The following IFT88 variants were observed in gnomAD, a reference collection of about 807,000 sequenced individuals.
The protein encoded by IFT88 is intraflagellar transport protein 88 homolog.
In IFT88, 74 loss-of-function variants were observed where a neutral mutation model predicts 119.5. That is an observed-to-expected ratio of 0.62 (90% CI 0.51 to 0.75). The LOEUF (loss-of-function observed/expected upper bound fraction) is 0.75. IFT88 is among the 30% of genes least tolerant of loss of function. The probability of loss-of-function intolerance (pLI) is 0.00; values close to 1 mark genes in which losing one functional copy is unlikely to be tolerated. For synonymous variants in IFT88, 279 were observed against 316.7 expected, an observed-to-expected ratio of 0.88 and a Z score of 1.26; for missense variants, 961 against 977.7, an observed-to-expected ratio of 0.98 and a Z score of 0.23.
chr13:20,585,841 A>G (rs2039568217), intron 3 of IFT88, among the ~76,000 whole-genome samples: 1 of 152,248 alleles, frequency 6.6e-6, no homozygotes, highest in Admixed American at 6.5e-5. Context: ...TTTACAACCC[A>G]TATTTTAATT....
intron 24 of IFT88, among the ~76,000 whole-genome samples, chr13:20,682,952 A>G (rs2057490505): frequency 6.6e-6 from 1 of 152,204 alleles, no homozygotes; most frequent in South Asian, 2.1e-4. Context: ...TAAATCTATG[A>G]CTATTAAAGG....
At chr13:20,598,547 T>C (rs1034328692) in intron 9 of IFT88, 104 bp from the exon 10 acceptor site, 1 of 588,028 alleles carries the variant, frequency 1.7e-6, no homozygotes, top group Admixed American at 2.6e-5. Context: ...TATCTTGATA[T>C]AAGTAGCTAA....
intron 24 of IFT88, among the ~76,000 whole-genome samples, chr13:20,683,039 G>C (rs2057495844): frequency 6.6e-6 from 1 of 152,116 alleles, no homozygotes; most frequent in African/African-American, 2.4e-5. Context: ...TGAATTAATG[G>C]CTCTAAGATC....
chr13:20,669,866 A>G (rs536267689), intron 23 of IFT88, among the ~76,000 whole-genome samples: 2 of 152,346 alleles, frequency 1.3e-5, no homozygotes, highest in Admixed American at 6.5e-5. Flanking sequence ...TCTTTCATCT[A>G]TGAAGGCAAG....
At chr13:20,686,266 C>T (rs2057906855) in intron 24 of IFT88, among the ~76,000 whole-genome samples, 1 of 152,192 alleles carries the variant, frequency 6.6e-6, no homozygotes, top group Non-Finnish European at 1.5e-5. Context: ...ATGTAGTTTC[C>T]TTTTTACTTT....
Position 20,631,000 on chromosome 13 carries a change from GA to G in IFT88, c.1300-15del. The G allele has an allele frequency of 6.8e-7, 1 of 1,463,640 alleles. No individual in the cohort carries two copies. The highest frequency in any genetic ancestry group is 9.6e-7 in the Non-Finnish European group (1 of 1,043,680). 90.7% of individuals were successfully genotyped at this position (1,463,640 alleles called of 1,614,324 possible). A position where few individuals can be genotyped will look rare whatever the true frequency, so the allele number is the denominator to read the frequency against. Reference sequence around the variant, plus strand: ...CATATTACAGTGGTAGTAACCTTCAGATATTCCATTTCTAGGCTGTAGAGAT... The same window carrying G: ...CATATTACAGTGGTAGTAACCTTCAGTATTCCATTTCTAGGCTGTAGAGAT... On this transcript the variant is annotated splice_polypyrimidine_tract_variant and intron_variant, in intron 15 of 25. Coordinates refer to ENST00000351808, the MANE Select transcript of IFT88 (RefSeq NM_006531.5).
intron 11 of IFT88, among the ~76,000 whole-genome samples, chr13:20,599,967 T>C (rs1484504636): frequency 6.6e-6 from 1 of 152,092 alleles, no homozygotes; most frequent in Non-Finnish European, 1.5e-5. Flanking sequence ...TTCTGAGTCT[T>C]AGAAGAGGGG....
Position 20,659,487 on chromosome 13 carries a change from TA to T in IFT88, c.2068+3069del, listed in dbSNP as rs575875303. On this transcript the variant is annotated intron_variant, in intron 22 of 25. Coordinates refer to ENST00000351808, the MANE Select transcript of IFT88 (RefSeq NM_006531.5). ...CCAGCCTGGGCATCTCTAAATCTCTTAAAAAAAAAAAATTCCTAAGCCAATC... is the reference window on the plus strand; with the variant it reads ...CCAGCCTGGGCATCTCTAAATCTCTTAAAAAAAAAAATTCCTAAGCCAATC... Among the ~76,000 whole-genome samples, 259 of 146,184 alleles carry T rather than the reference TA, an allele frequency of 1.8e-3. 1 individual carries two copies. The East Asian group carries it at 0.021, about 12-fold the overall frequency.
chr13:20,675,717 G>A (rs1460268285), intron 24 of IFT88, among the ~76,000 whole-genome samples: 1 of 152,214 alleles, frequency 6.6e-6, no homozygotes, highest in African/African-American at 2.4e-5. Flanking sequence ...GAATAAATGT[G>A]ATAGTGTTCT....
rs145803581 is a variant in IFT88 at position 20,643,875 on chromosome 13, T to A, written c.1833+270T>A. 7.7e-4 allele frequency among the ~76,000 whole-genome samples: 117 copies of A among 152,250 alleles called. 2 individuals carry two copies. In the South Asian group the frequency reaches 0.021, roughly 27 times the overall value. On this transcript the variant is annotated intron_variant, in intron 19 of 25. Coordinates refer to ENST00000351808, the MANE Select transcript of IFT88 (RefSeq NM_006531.5). ...TTTAAGCAATTCTCTTGCCTCAGCC[T>A]TCCGAGTAGCTGGGATTACAGGCGC...
In IFT88 at chr13:20,605,964, A is replaced by C. The variant is rs1320138457; in HGVS notation, c.1112+859A>C. ...CTCCCAGCACCTCCGTGTGTTCATC[A>C]ACCTGGAAACTCTCTGAACTGTGTC... is the stretch of plus-strand genomic sequence containing the variant. On this transcript the variant is annotated intron_variant, in intron 13 of 25. Coordinates refer to ENST00000351808, the MANE Select transcript of IFT88 (RefSeq NM_006531.5). 2.6e-5 allele frequency among the ~76,000 whole-genome samples: 4 copies of C among 152,238 alleles called. No homozygotes were observed. In the South Asian group the frequency reaches 8.3e-4, roughly 32 times the overall value.
intron 15 of IFT88, among the ~76,000 whole-genome samples, chr13:20,627,857 A>G (rs1449342866): frequency 1.3e-5 from 2 of 151,834 alleles, no homozygotes; most frequent in Admixed American, 6.6e-5. Context: ...AGATCTTACT[A>G]TCTGTGCTTT....
chr13:20,595,392 A>G (rs2041467897), intron 7 of IFT88, among the ~76,000 whole-genome samples: 1 of 151,896 alleles, frequency 6.6e-6, no homozygotes, highest in African/African-American at 2.4e-5. Flanking sequence ...GGTTCAAGCA[A>G]TATTCTCCTG....
At chr13:20,637,758 A>G (rs2049237278) in intron 16 of IFT88, among the ~76,000 whole-genome samples, 1 of 152,190 alleles carries the variant, frequency 6.6e-6, no homozygotes, top group African/African-American at 2.4e-5. Context: ...CCAAGTCTAG[A>G]CAAGAGGCTA....
rs2052251207 is a variant in IFT88 at position 20,653,891 on chromosome 13, A to G, written c.1965A>G (p.Lys655=). ...RASLIQPTQV[K]WQLMVASCFR... is the part of the protein sequence containing the mutation. The stretch of plus-strand genomic sequence containing the variant: ...TATTTTATAGGCCTACACAAGTGAA[A>G]TGGCAGCTGATGGTAGCTAGTTGTT... Residue 655 remains lysine (K), a synonymous_variant, in exon 21 of 26, where the codon AAA becomes AAG. Transcript: ENST00000351808. 1.3e-6 allele frequency: 2 copies of G among 1,582,088 alleles called. No individual in the cohort carries two copies. Among genetic ancestry groups the G allele is most frequent in the African/African-American group, 1.4e-5 (1 of 73,768 alleles).
intron 24 of IFT88, among the ~76,000 whole-genome samples, chr13:20,690,035 T>C (rs538966324): frequency 6.6e-6 from 1 of 152,342 alleles, no homozygotes; most frequent in East Asian, 1.9e-4. Flanking sequence ...TTTGGGTCAG[T>C]TGGCCAATCT....
At chr13:20,666,112 C>T (rs569465093) in intron 23 of IFT88, among the ~76,000 whole-genome samples, 20 of 152,220 alleles carry the variant, frequency 1.3e-4, no homozygotes, top group African/African-American at 4.3e-4. Flanking sequence ...GAAGTAAATG[C>T]GTAGTATGGT....
intron 14 of IFT88, among the ~76,000 whole-genome samples, chr13:20,620,243 T>A (rs2046266336): frequency 6.6e-6 from 1 of 152,214 alleles, no homozygotes; most frequent in Admixed American, 6.5e-5. Context: ...AGTAGGGCTA[T>A]CCAGTTAACC....
At position 20,591,116 on chromosome 13, in the gene IFT88, TAAAG is replaced by T. The variant is rs1010273512; in HGVS notation, c.264+99_264+102del. 1.5e-5 allele frequency: 12 copies of T among 803,828 alleles called. No homozygotes were observed. In the Admixed American group the frequency reaches 2.7e-4, roughly 18 times the overall value. 49.8% of individuals were successfully genotyped at this position (803,828 alleles called of 1,614,324 possible). ...ACTTTATTATATTATTTTAAAATGT[TAAAG>T]AAGATATTACTTATATAGTGACCCA... On this transcript the variant is annotated intron_variant, in intron 5 of 25. Transcript: ENST00000351808.
Sources: gnomAD v4.1 joint callset for allele counts (sites outside exome capture counted in the v4.1 genomes callset) on GRCh38, gnomAD v4.1.1 for gene constraint, MANE v1.5 for transcripts, NCBI Gene and HGNC (gene_info 2026-07-23, HGNC 2026-07-21) for gene names.